CNTN6: variants seen among roughly 807,000 people sequenced by gnomAD.
CNTN6 encodes the protein contactin-6.
Under a neutral mutation model 122.8 loss-of-function variants are expected in CNTN6, and 137 were observed. The ratio of observed to expected loss-of-function variants is 1.12; its 90% confidence interval spans 0.97 to 1.29. CNTN6 has a LOEUF of 1.29. Among genes scored for constraint, CNTN6 ranks in the 50% most tolerant of loss-of-function variants. The pLI is 0.00. For missense variants in CNTN6, 1,634 were observed against 1,223.4 expected (o/e 1.34, Z -5.01); for synonymous variants, 570 against 426.0 (o/e 1.34, Z -4.16).
intron 4 of CNTN6, among the ~76,000 whole-genome samples, chr3:1,231,529 C>T (rs1301685315): frequency 6.6e-6 from 1 of 152,146 alleles, no homozygotes; most frequent in Admixed American, 6.5e-5. Context: ...TTATTTTAGA[C>T]ACAGACTGTA....
At chr3:1,212,054 G>T (rs192250669) in intron 2 of CNTN6, among the ~76,000 whole-genome samples, 79 of 152,174 alleles carry the variant, frequency 5.2e-4, no homozygotes, top group African/African-American at 1.7e-3. Flanking sequence ...ATACCAGTAG[G>T]TTAGATGTAA....
chr3:1,212,542 CACAT>C lies in CNTN6; in HGVS notation c.56-8143_56-8140del, dbSNP rs144401236. Among the ~76,000 whole-genome samples the C allele has an allele frequency of 2.1e-4, 31 of 151,136 alleles. No individual in the cohort carries two copies. The East Asian group carries it at 5.7e-3, about 28-fold the overall frequency. On this transcript the variant is annotated intron_variant, in intron 2 of 22. Transcript: ENST00000446702. ...ATGTGTGTGTATATATATACACACA[CACAT>C]ATATATGTGTATACACATACACATA...
At chr3:1,316,200 G>A (rs1242772565) in intron 7 of CNTN6, among the ~76,000 whole-genome samples, 3 of 151,806 alleles carry the variant, frequency 2.0e-5, no homozygotes, top group African/African-American at 7.3e-5. Context: ...AATGAGAGGC[G>A]TATTAATCTA....
chr3:1,298,045 TA>T, intron 7 of CNTN6, 54 bp downstream of exon 7: 1 of 1,329,802 alleles, frequency 7.5e-7, no homozygotes, highest in Admixed American at 2.1e-5. Context: ...TTTTTTTTAT[TA>T]AAAACCTTTT....
chr3:1,393,414 G>C (rs1694500694), intron 20 of CNTN6, among the ~76,000 whole-genome samples: 1 of 124,382 alleles, frequency 8.0e-6, no homozygotes, highest in Non-Finnish European at 1.7e-5. Context: ...TGGTGAGGTG[G>C]GGGGAGGGGG....
rs9847049 is a variant in CNTN6, at chr3:1,148,131, G to A, written c.55+68G>A. 1.9e-3 allele frequency: 2,316 copies of A among 1,243,870 alleles called. 26 individuals carry two copies. In the African/African-American group the frequency reaches 0.03, roughly 16 times the overall value. 77.1% of individuals were successfully genotyped at this position (1,243,870 alleles called of 1,614,324 possible). A position where few individuals can be genotyped will look rare whatever the true frequency, so the allele number is the denominator to read the frequency against. On this transcript the variant is annotated intron_variant, in intron 2 of 22. Coordinates refer to ENST00000446702, the MANE Select transcript of CNTN6 (RefSeq NM_001289080.2). ...TGGCATTGTATTTCTTTCTATGGGT[G>A]AAGCAATTTTCAAAATGCACAATTT...
At chr3:1,336,857 A>G (rs560428334) in intron 11 of CNTN6, among the ~76,000 whole-genome samples, 1 of 152,220 alleles carries the variant, frequency 6.6e-6, no homozygotes, top group Admixed American at 6.5e-5. Flanking sequence ...ACTATATTCC[A>G]TTGTGGGAAA....
intron 4 of CNTN6, among the ~76,000 whole-genome samples, chr3:1,255,088 C>T (rs1226289031): frequency 1.3e-5 from 2 of 152,056 alleles, no homozygotes; most frequent in African/African-American, 4.8e-5. Flanking sequence ...CAGGCTTTTA[C>T]CATGGTAGCT....
intron 1 of CNTN6, among the ~76,000 whole-genome samples, chr3:1,138,492 T>C (rs983926955): frequency 2.6e-5 from 4 of 152,152 alleles, no homozygotes; most frequent in African/African-American, 9.7e-5. Flanking sequence ...CTTTATTTAT[T>C]TACTGTTTTG....
At chr3:1,374,722 G>A (rs1377039163) in intron 16 of CNTN6, among the ~76,000 whole-genome samples, 1 of 151,976 alleles carries the variant, frequency 6.6e-6, no homozygotes, top group African/African-American at 2.4e-5. Flanking sequence ...AGCCCACAAA[G>A]TTCACATTCT....
chr3:1,323,358 A>G (rs1334412054), intron 8 of CNTN6, among the ~76,000 whole-genome samples: 1 of 151,776 alleles, frequency 6.6e-6, no homozygotes, highest in African/African-American at 2.4e-5. Context: ...ATGGTGGTCT[A>G]AGCTCATTGT....
At chr3:1,205,448 A>G (rs762816822) in intron 2 of CNTN6, among the ~76,000 whole-genome samples, 5 of 152,260 alleles carry the variant, frequency 3.3e-5, no homozygotes, top group South Asian at 2.1e-4. Context: ...TCTTTTGTCA[A>G]TTCCCTAGAT....
chr3:1,190,314 G>A (rs112854942), intron 2 of CNTN6, among the ~76,000 whole-genome samples: 19 of 152,112 alleles, frequency 1.2e-4, no homozygotes, highest in Non-Finnish European at 2.5e-4. Flanking sequence ...TCACATCGGG[G>A]GTTAGGAATT....
At chr3:1,335,794 C>T (rs1256002238) in intron 11 of CNTN6, among the ~76,000 whole-genome samples, 2 of 151,992 alleles carry the variant, frequency 1.3e-5, no homozygotes, top group African/African-American at 2.4e-5. Flanking sequence ...TTTGGGAGGC[C>T]AAGGTAGAAG....
At chr3:1,130,330 A>G (rs2092303780) in intron 1 of CNTN6, among the ~76,000 whole-genome samples, 1 of 152,058 alleles carries the variant, frequency 6.6e-6, no homozygotes. Context: ...CTGAAAGATA[A>G]CACGGTGAAA....
intron 1 of CNTN6, among the ~76,000 whole-genome samples, chr3:1,101,046 C>T (rs1009906141): frequency 5.3e-5 from 8 of 152,054 alleles, no homozygotes; most frequent in African/African-American, 1.7e-4. Context: ...TGCATAGCAT[C>T]GCATTGCTAT....
intron 1 of CNTN6, among the ~76,000 whole-genome samples, chr3:1,110,826 T>A (rs138013533): frequency 6.6e-6 from 1 of 152,182 alleles, no homozygotes. Context: ...TGCATTCCTC[T>A]GTCATGAGAA....
chr3:1,144,193 A>G (rs1296626166), intron 1 of CNTN6, among the ~76,000 whole-genome samples: 1 of 152,138 alleles, frequency 6.6e-6, no homozygotes, highest in Non-Finnish European at 1.5e-5. Flanking sequence ...TGGCTTTTGG[A>G]GTCTTTGGTA....
chr3:1,401,612 A>T, intron 21 of CNTN6, 67 bp downstream of exon 21: 1 of 1,088,256 alleles, frequency 9.2e-7, no homozygotes, highest in Admixed American at 2.4e-5. Flanking sequence ...TGTGACACCC[A>T]AATGGAAAAC....
Sources: allele counts gnomAD v4.1 joint callset (sites outside exome capture counted in the v4.1 genomes callset), GRCh38; gene constraint gnomAD v4.1.1; transcripts MANE v1.5; gene names NCBI Gene and HGNC (gene_info 2026-07-23, HGNC 2026-07-21).